The following IL1RAPL2 variants were observed in gnomAD, a reference collection of about 807,000 sequenced individuals.
IL1RAPL2 encodes the protein X-linked interleukin-1 receptor accessory protein-like 2.
Under a neutral mutation model 44.1 loss-of-function variants are expected in IL1RAPL2, and 3 were observed. That is an observed-to-expected ratio of 0.07 (90% CI 0.03 to 0.18). The LOEUF is 0.18. IL1RAPL2 is among the 10% of genes least tolerant of loss of function. The pLI is 1.00. For synonymous variants in IL1RAPL2, 181 were observed against 178.8 expected (o/e 1.01, Z -0.10); for missense variants, 391 against 496.4 (o/e 0.79, Z 2.02).
At chrX:105,231,358 A>T (rs1389060514) in intron 3 of IL1RAPL2, among the ~76,000 whole-genome samples, 1 of 111,756 alleles carries the variant, frequency 8.9e-6, no homozygotes, top group Non-Finnish European at 1.9e-5. Flanking sequence ...CCTGCAAATT[A>T]TCCGGGTCAT....
chrX:104,855,106 CA>C (rs781093012), intron 2 of IL1RAPL2, among the ~76,000 whole-genome samples: 11 of 112,281 alleles, frequency 9.8e-5, no homozygotes, highest in Admixed American at 8.5e-4. Context: ...CAGAGTTTCT[CA>C]TGCCAGAATA....
At chrX:104,693,272 A>G (rs1931124511) in intron 2 of IL1RAPL2, among the ~76,000 whole-genome samples, 1 of 111,577 alleles carries the variant, frequency 9.0e-6, no homozygotes, top group Non-Finnish European at 1.9e-5. Context: ...AAAGATTGGC[A>G]AGATTGGCTG....
intron 5 of IL1RAPL2, among the ~76,000 whole-genome samples, chrX:105,286,946 T>G (rs1314408764): frequency 1.8e-5 from 2 of 111,977 alleles, no homozygotes; most frequent in African/African-American, 6.5e-5. Flanking sequence ...TTCATTAACC[T>G]ATTGAAAAAT....
intron 2 of IL1RAPL2, among the ~76,000 whole-genome samples, chrX:104,999,071 G>C (rs1423295018): frequency 4.5e-5 from 5 of 112,044 alleles, no homozygotes; most frequent in African/African-American, 1.6e-4. Context: ...AAAGCACTGG[G>C]ATTACAGGCA....
intron 5 of IL1RAPL2, among the ~76,000 whole-genome samples, chrX:105,457,628 GTATATATATGTATGTTTTA>G (rs1046003521): frequency 4.4e-4 from 47 of 108,021 alleles, no homozygotes; most frequent in Non-Finnish European, 7.6e-4. Flanking sequence ...GTATATGCAT[GTATATATATGTATGTTTTA>G]TATATATATG....
At chrX:104,912,361 T>G (rs1444056334) in intron 2 of IL1RAPL2, among the ~76,000 whole-genome samples, 1 of 110,641 alleles carries the variant, frequency 9.0e-6, no homozygotes, top group Non-Finnish European at 1.9e-5. Flanking sequence ...TCTCCTGAGT[T>G]ACAGTATGGT....
At chrX:105,476,867 G>A (rs1321649978) in intron 5 of IL1RAPL2, among the ~76,000 whole-genome samples, 1 of 111,694 alleles carries the variant, frequency 9.0e-6, no homozygotes, top group East Asian at 2.8e-4. Context: ...TGTCTTCATC[G>A]GCTTCTGCAG....
chrX:104,863,946 G>A (rs1240307011), intron 2 of IL1RAPL2, among the ~76,000 whole-genome samples: 1 of 111,707 alleles, frequency 9.0e-6, no homozygotes, highest in Non-Finnish European at 1.9e-5. Context: ...CTCATCCTGG[G>A]AGGCAGAGCT....
At chrX:104,937,402 C>T (rs745787354) in intron 2 of IL1RAPL2, among the ~76,000 whole-genome samples, 18 of 112,172 alleles carry the variant, frequency 1.6e-4, no homozygotes, top group African/African-American at 5.8e-4. Context: ...TCCCACAGAG[C>T]TTTCAGAGTC....
intron 1 of IL1RAPL2, among the ~76,000 whole-genome samples, chrX:104,591,498 C>A (rs763890805): frequency 1.8e-5 from 2 of 111,658 alleles, no homozygotes; most frequent in Non-Finnish European, 3.8e-5. Context: ...ACTCACCAAG[C>A]AACACTGAAG....
chrX:104,849,573 T>A (rs1373974779), intron 2 of IL1RAPL2, among the ~76,000 whole-genome samples: 1 of 108,876 alleles, frequency 9.2e-6, no homozygotes, highest in African/African-American at 3.3e-5. Context: ...CTGTTTTTAC[T>A]AAAGTAGCAA....
chrX:105,086,282 C>G (rs2032478837), intron 2 of IL1RAPL2, among the ~76,000 whole-genome samples: 1 of 105,373 alleles, frequency 9.5e-6, no homozygotes, highest in African/African-American at 3.3e-5. Flanking sequence ...CACACACACA[C>G]AGTGGAATAT....
intron 2 of IL1RAPL2, among the ~76,000 whole-genome samples, chrX:105,028,770 G>A (rs761408952): frequency 1.8e-5 from 2 of 110,641 alleles, no homozygotes; most frequent in Non-Finnish European, 3.8e-5. Context: ...ATCAAAGAAA[G>A]TGCTGGATTA....
At chrX:104,678,911 G>T (rs765779112) in intron 2 of IL1RAPL2, among the ~76,000 whole-genome samples, 1 of 110,895 alleles carries the variant, frequency 9.0e-6, no homozygotes, top group Admixed American at 9.6e-5. Context: ...ACCATGGCAC[G>T]TGTATACCTA....
At chrX:104,854,291 A>G (rs1374221773) in intron 2 of IL1RAPL2, among the ~76,000 whole-genome samples, 1 of 110,667 alleles carries the variant, frequency 9.0e-6, no homozygotes, top group Non-Finnish European at 1.9e-5. Context: ...TTTTTTTTTT[A>G]AAGGTATCAT....
intron 6 of IL1RAPL2, among the ~76,000 whole-genome samples, chrX:105,609,972 A>G (rs2037323550): frequency 8.9e-6 from 1 of 111,977 alleles, no homozygotes; most frequent in Admixed American, 9.5e-5. Context: ...TCTTTGATAG[A>G]TTCATTCCAT....
intron 5 of IL1RAPL2, among the ~76,000 whole-genome samples, chrX:105,365,966 A>G (rs2035291232): frequency 9.6e-6 from 1 of 103,916 alleles, no homozygotes; most frequent in Admixed American, 1.0e-4. Context: ...TTTTTTTTTG[A>G]AACAGAGTTT....
intron 6 of IL1RAPL2, among the ~76,000 whole-genome samples, chrX:105,679,971 G>GTA (rs2037909302): frequency 9.0e-6 from 1 of 111,312 alleles, no homozygotes; most frequent in South Asian, 3.8e-4. Flanking sequence ...TTTGCCAATA[G>GTA]TATCTACAAA....
chrX:104,738,854 C>T lies in IL1RAPL2; in HGVS notation c.82+79859C>T, dbSNP rs113841042. Among the ~76,000 whole-genome samples the T allele has an allele frequency of 3.9e-3, 433 of 111,835 alleles. 4 individuals carry two copies. The highest frequency in any genetic ancestry group is 0.013 in the African/African-American group (404 of 30,808). ...ACTTAGGAGGCTGAGAACAGAGGACCGCTTCAGCCCTGGAGTTTGAGGCTG... is the reference window on the plus strand; with the variant it reads ...ACTTAGGAGGCTGAGAACAGAGGACTGCTTCAGCCCTGGAGTTTGAGGCTG... On this transcript the variant is annotated intron_variant, in intron 2 of 10. Transcript: ENST00000372582.
Sources: allele counts gnomAD v4.1 joint callset (sites outside exome capture counted in the v4.1 genomes callset), GRCh38; gene constraint gnomAD v4.1.1; transcripts MANE v1.5; gene names NCBI Gene and HGNC (gene_info 2026-07-23, HGNC 2026-07-21).